PHACTR1: variants seen among roughly 807,000 people sequenced by gnomAD.
PHACTR1 encodes phosphatase and actin regulator 1, also known as RPEL repeat containing 1.
A neutral mutation model predicts 69.2 loss-of-function variants in PHACTR1; 16 were observed. The ratio of observed to expected loss-of-function variants is 0.23; its 90% CI spans 0.16 to 0.35. The LOEUF is 0.35. PHACTR1 is among the 10% of genes least tolerant of loss of function. The pLI, the probability that PHACTR1 is intolerant of heterozygous loss-of-function variation, is 1.00. For synonymous variants in PHACTR1, 312 were observed against 284.5 expected (o/e 1.10, Z -0.97); for missense variants, 510 against 734.7 (o/e 0.69, Z 3.54).
intron 6 of PHACTR1, among the ~76,000 whole-genome samples, chr6:13,160,598 A>G (rs186666052): frequency 6.6e-6 from 1 of 152,302 alleles, no homozygotes; most frequent in African/African-American, 2.4e-5. Context: ...AATACACACG[A>G]CCAGGGTGCA....
rs772377879 is a variant in PHACTR1, at chr6:13,206,018, G to A, written c.868G>A (p.Gly290Ser). 130 of 1,613,552 alleles carry A rather than the reference G, an allele frequency of 8.1e-5. No individual in the cohort carries two copies. The highest frequency in any genetic ancestry group is 9.7e-5 in the Non-Finnish European group (115 of 1,179,836). ...PSQIQHQLQYGSHGQHLPSTT... is the reference protein window; with the variant it reads ...PSQIQHQLQYSSHGQHLPSTT... Reference sequence around the variant, plus strand: ...CCAGATCCAGCACCAGCTGCAGTACGGCAGCCACGGCCAGCACCTCCCCTC... The same window carrying A: ...CCAGATCCAGCACCAGCTGCAGTACAGCAGCCACGGCCAGCACCTCCCCTC... Residue 290 changes from glycine (G) to serine (S), a missense_variant, in exon 8 of 15, where the codon GGC (glycine) becomes AGC (serine). Around this residue, in one of 2 missense-constraint regions of PHACTR1, gnomAD observed 419 missense variants for 530.9 expected, o/e 0.79. Coordinates refer to ENST00000332995, the MANE Select transcript of PHACTR1 (RefSeq NM_030948.6).
chr6:13,124,722 G>T (rs1047600784), intron 5 of PHACTR1, among the ~76,000 whole-genome samples: 1 of 152,180 alleles, frequency 6.6e-6, no homozygotes, highest in East Asian at 1.9e-4. Flanking sequence ...AAGGGTGCCC[G>T]CATGGTGGGG....
intron 8 of PHACTR1, among the ~76,000 whole-genome samples, chr6:13,225,542 G>A (rs1055958706): frequency 3.3e-5 from 5 of 152,200 alleles, no homozygotes; most frequent in Non-Finnish European, 7.3e-5. Flanking sequence ...ACAGCCTCTT[G>A]TTGATTACAC....
At chr6:13,113,549 A>G (rs924310984) in intron 5 of PHACTR1, among the ~76,000 whole-genome samples, 4 of 152,220 alleles carry the variant, frequency 2.6e-5, no homozygotes, top group African/African-American at 9.6e-5. Context: ...ACAGAATTTA[A>G]CACCTGCTCA....
intron 5 of PHACTR1, among the ~76,000 whole-genome samples, chr6:13,135,863 G>A (rs2127980779): frequency 1.3e-5 from 2 of 150,024 alleles, no homozygotes; most frequent in South Asian, 2.1e-4. Context: ...CCATCTCTAG[G>A]GGAAAAAATA....
intron 4 of PHACTR1, among the ~76,000 whole-genome samples, chr6:12,789,359 CCT>C (rs1212505632): frequency 6.6e-6 from 1 of 152,126 alleles, no homozygotes; most frequent in Non-Finnish European, 1.5e-5. Flanking sequence ...TTCCAAGTCC[CCT>C]CTCACAGTCC....
chr6:12,838,478 T>C (rs1047405311), intron 4 of PHACTR1, among the ~76,000 whole-genome samples: 1 of 152,210 alleles, frequency 6.6e-6, no homozygotes, highest in South Asian at 2.1e-4. Context: ...GGCAGTACTT[T>C]AGAATTTCAT....
intron 4 of PHACTR1, among the ~76,000 whole-genome samples, chr6:12,852,104 G>A (rs1243142100): frequency 6.6e-6 from 1 of 152,182 alleles, no homozygotes; most frequent in African/African-American, 2.4e-5. Flanking sequence ...CAAAGTGCTA[G>A]GATTACAGGC....
intron 4 of PHACTR1, among the ~76,000 whole-genome samples, chr6:13,008,615 A>T (rs1247898005): frequency 6.6e-6 from 1 of 152,136 alleles, no homozygotes; most frequent in Non-Finnish European, 1.5e-5. Context: ...CAAACAAAAA[A>T]CTCAAACCAA....
At chr6:12,962,082 C>T (rs552614511) in intron 4 of PHACTR1, among the ~76,000 whole-genome samples, 14 of 152,216 alleles carry the variant, frequency 9.2e-5, no homozygotes, top group Non-Finnish European at 1.5e-4. Context: ...GGGTATGACA[C>T]CACCTTAGCT....
intron 4 of PHACTR1, among the ~76,000 whole-genome samples, chr6:12,978,594 G>A (rs895297667): frequency 6.6e-6 from 1 of 152,204 alleles, no homozygotes; most frequent in East Asian, 1.9e-4. Flanking sequence ...CGCACCCTGT[G>A]TCTTAACATC....
At chr6:12,961,706 A>G (rs1401832726) in intron 4 of PHACTR1, among the ~76,000 whole-genome samples, 1 of 152,234 alleles carries the variant, frequency 6.6e-6, no homozygotes, top group African/African-American at 2.4e-5. Context: ...TTGGTTGGCT[A>G]AGGCTGCCAT....
intron 4 of PHACTR1, among the ~76,000 whole-genome samples, chr6:12,784,598 ATATC>A (rs1370205406): frequency 2.0e-5 from 3 of 152,178 alleles, no homozygotes; most frequent in Admixed American, 6.5e-5. Context: ...ACTTACATGT[ATATC>A]TATACACATA....
chr6:13,191,769 TC>T (rs1440331397), intron 7 of PHACTR1, among the ~76,000 whole-genome samples: 2 of 152,150 alleles, frequency 1.3e-5, no homozygotes, highest in Non-Finnish European at 2.9e-5. Context: ...TTTTAAGATG[TC>T]AAAACTCATA....
intron 4 of PHACTR1, among the ~76,000 whole-genome samples, chr6:12,835,877 T>A (rs931066584): frequency 2.0e-5 from 3 of 152,166 alleles, no homozygotes; most frequent in African/African-American, 7.2e-5. Flanking sequence ...TACTTAAAGA[T>A]AACTGCAAAT....
intron 4 of PHACTR1, among the ~76,000 whole-genome samples, chr6:12,887,333 A>G (rs1465524440): frequency 6.6e-6 from 1 of 152,232 alleles, no homozygotes; most frequent in Non-Finnish European, 1.5e-5. Flanking sequence ...GCTTAACCTT[A>G]TAACAGGCTT....
chr6:12,789,165 T>C (rs546648340), intron 4 of PHACTR1, among the ~76,000 whole-genome samples: 11 of 152,332 alleles, frequency 7.2e-5, no homozygotes, highest in African/African-American at 2.4e-4. Flanking sequence ...TTTGCTGAGA[T>C]CACTAATGAC....
chr6:13,082,076 A>T (rs1811480704), intron 5 of PHACTR1, among the ~76,000 whole-genome samples: 1 of 152,164 alleles, frequency 6.6e-6, no homozygotes. Flanking sequence ...AGGTGGGATC[A>T]TTTGGTCTAG....
chr6:13,072,943 A>G (rs1336346416), intron 5 of PHACTR1, among the ~76,000 whole-genome samples: 1 of 152,116 alleles, frequency 6.6e-6, no homozygotes, highest in Non-Finnish European at 1.5e-5. Context: ...GGGAAGTAGG[A>G]TGTTCCGGCA....
Sources: allele counts gnomAD v4.1 joint callset (sites outside exome capture counted in the v4.1 genomes callset), GRCh38; gene constraint gnomAD v4.1.1; regional missense constraint gnomAD v4.1.1; transcripts MANE v1.5; gene names NCBI Gene and HGNC (gene_info 2026-07-23, HGNC 2026-07-21).